BTBD9: variants seen among roughly 807,000 people sequenced by gnomAD.
The protein encoded by BTBD9 is BTB/POZ domain-containing protein 9.
In BTBD9, 49 loss-of-function variants were observed where a neutral mutation model predicts 64.3. That is an observed-to-expected ratio of 0.76 (90% CI 0.61 to 0.97). The LOEUF (loss-of-function observed/expected upper bound fraction) is 0.97. Among genes scored for constraint, BTBD9 ranks in the 50% least tolerant of loss-of-function variants. BTBD9 has a pLI of 0.00. For synonymous variants in BTBD9, 260 were observed against 274.7 expected (o/e 0.95, Z 0.53); for missense variants, 598 against 762.1 (o/e 0.78, Z 2.53).
At chr6:38,203,005 G>T (rs531479871) in intron 9 of BTBD9, among the ~76,000 whole-genome samples, 2 of 152,178 alleles carry the variant, frequency 1.3e-5, no homozygotes, top group African/African-American at 4.8e-5. Flanking sequence ...ATTAAAAAAT[G>T]GGCAAAGGAC....
intron 6 of BTBD9, among the ~76,000 whole-genome samples, chr6:38,367,012 G>A (rs1404835365): frequency 2.6e-5 from 4 of 152,188 alleles, no homozygotes; most frequent in Admixed American, 6.5e-5. Context: ...TCAAAGGGCC[G>A]AGTTGTTTTT....
At chr6:38,288,528 C>A in intron 7 of BTBD9, 67 bp from the exon 8 acceptor site, 3 of 1,312,706 alleles carry the variant, frequency 2.3e-6, no homozygotes, top group South Asian at 2.7e-5. Flanking sequence ...ATAGTGTGCT[C>A]AGAACAAAAT....
intron 6 of BTBD9, among the ~76,000 whole-genome samples, chr6:38,531,400 G>A (rs1773795152): frequency 6.6e-6 from 1 of 152,124 alleles, no homozygotes; most frequent in East Asian, 1.9e-4. Context: ...TAAAAGCTGA[G>A]GGATTTCATC....
At chr6:38,239,136 C>G (rs1049057851) in intron 9 of BTBD9, among the ~76,000 whole-genome samples, 2 of 152,080 alleles carry the variant, frequency 1.3e-5, no homozygotes, top group Admixed American at 1.3e-4. Context: ...CTTTACACTT[C>G]AGATATAATC....
chr6:38,294,290 C>A (rs112571843), intron 7 of BTBD9, among the ~76,000 whole-genome samples: 1 of 152,256 alleles, frequency 6.6e-6, no homozygotes, highest in South Asian at 2.1e-4. Flanking sequence ...ACCAGAAATA[C>A]CATTTGACCC....
intron 10 of BTBD9, chr6:38,179,454 C>G: frequency 2.2e-6 from 1 of 456,736 alleles, no homozygotes; most frequent in South Asian, 1.5e-5. Context: ...CAGAAGGTGG[C>G]AGCAGCAGGT....
intron 6 of BTBD9, among the ~76,000 whole-genome samples, chr6:38,471,094 A>G (rs756296176): frequency 1.2e-4 from 18 of 152,166 alleles, no homozygotes; most frequent in Non-Finnish European, 2.6e-4. Context: ...TAGCATCACT[A>G]TTTTAGGGGC....
At chr6:38,368,464 A>G (rs1384977773) in intron 6 of BTBD9, among the ~76,000 whole-genome samples, 7 of 151,972 alleles carry the variant, frequency 4.6e-5, no homozygotes, top group Non-Finnish European at 8.8e-5. Flanking sequence ...CCTCCTGAGT[A>G]GCTGGGATTA....
At chr6:38,271,915 G>A (rs1765208580) in intron 8 of BTBD9, among the ~76,000 whole-genome samples, 1 of 151,070 alleles carries the variant, frequency 6.6e-6, no homozygotes, top group South Asian at 2.1e-4. Context: ...GGCAATTCTT[G>A]GCTTGCCTTT....
intron 1 of BTBD9, among the ~76,000 whole-genome samples, chr6:38,616,524 G>A (rs1777797102): frequency 6.6e-6 from 1 of 152,120 alleles, no homozygotes; most frequent in Non-Finnish European, 1.5e-5. Flanking sequence ...AAGTTGAGGT[G>A]GGAGTGGGAG....
intron 6 of BTBD9, among the ~76,000 whole-genome samples, chr6:38,407,568 A>G (rs922750241): frequency 2.0e-5 from 3 of 152,190 alleles, no homozygotes; most frequent in African/African-American, 7.2e-5. Context: ...AATTCTAGTC[A>G]TGCATTTAAT....
intron 6 of BTBD9, among the ~76,000 whole-genome samples, chr6:38,366,034 G>C (rs376145462): frequency 2.8e-4 from 42 of 152,224 alleles, no homozygotes; most frequent in African/African-American, 9.9e-4. Flanking sequence ...TTGAACTCTG[G>C]TTCTCATCTT....
At chr6:38,331,161 C>A (rs1763661206) in intron 7 of BTBD9, among the ~76,000 whole-genome samples, 1 of 152,148 alleles carries the variant, frequency 6.6e-6, no homozygotes, top group African/African-American at 2.4e-5. Flanking sequence ...GAATAAATAT[C>A]CATAATCCAC....
At chr6:38,584,233 C>T (rs1776412291) in intron 4 of BTBD9, among the ~76,000 whole-genome samples, 2 of 152,244 alleles carry the variant, frequency 1.3e-5, no homozygotes, top group Admixed American at 1.3e-4. Context: ...GCAGCCAAGG[C>T]AGGAGAATCA....
chr6:38,319,045 C>T (rs182113401), intron 7 of BTBD9, among the ~76,000 whole-genome samples: 4 of 152,328 alleles, frequency 2.6e-5, no homozygotes, highest in African/African-American at 9.6e-5. Flanking sequence ...ATTACCACCA[C>T]AAGCCCACAG....
At chr6:38,289,411 A>C (rs1582171717) in intron 7 of BTBD9, among the ~76,000 whole-genome samples, 1 of 152,198 alleles carries the variant, frequency 6.6e-6, no homozygotes, top group African/African-American at 2.4e-5. Flanking sequence ...TGTCTAATAA[A>C]TACTGCTCTT....
At chr6:38,210,530 GTGTGTT>G (rs1216460051) in intron 9 of BTBD9, among the ~76,000 whole-genome samples, 1 of 86,186 alleles carries the variant, frequency 1.2e-5, no homozygotes, top group Non-Finnish European at 2.4e-5. Flanking sequence ...GGGAGAGTGC[GTGTGTT>G]TGTGTGTGTG....
chr6:38,412,204 G>A (rs916471378), intron 6 of BTBD9, among the ~76,000 whole-genome samples: 1 of 151,792 alleles, frequency 6.6e-6, no homozygotes, highest in Non-Finnish European at 1.5e-5. Context: ...AAATATCTGC[G>A]ACTTCTATCA....
chr6:38,348,479 C>T (rs913241905), intron 6 of BTBD9, among the ~76,000 whole-genome samples: 1 of 152,152 alleles, frequency 6.6e-6, no homozygotes, highest in Admixed American at 6.5e-5. Context: ...TGCTGAGGTC[C>T]TCAACAGCAG....
Sources: allele counts gnomAD v4.1 joint callset (sites outside exome capture counted in the v4.1 genomes callset), GRCh38; gene constraint gnomAD v4.1.1; transcripts MANE v1.5; gene names NCBI Gene and HGNC (gene_info 2026-07-23, HGNC 2026-07-21).